EIF3H: variants seen among roughly 807,000 people sequenced by gnomAD.
EIF3H encodes the protein eukaryotic translation initiation factor 3 subunit H.
EIF3H carries 26 observed loss-of-function variants against 44.2 expected under a neutral mutation model. The observed-to-expected ratio is 0.59, with a 90% confidence interval of 0.43 to 0.82. EIF3H has a LOEUF of 0.82. Ranked by LOEUF, EIF3H falls within the 40% of genes least tolerant of loss-of-function variation. The pLI, the probability that EIF3H is intolerant of heterozygous loss-of-function variation, is 0.00. For synonymous variants in EIF3H, 166 were observed against 151.9 expected (o/e 1.09, Z -0.68); for missense variants, 359 against 432.8 (o/e 0.83, Z 1.51).
chr8:116,750,159 G>A (rs1303451275), intron 1 of EIF3H, among the ~76,000 whole-genome samples: 1 of 152,272 alleles, frequency 6.6e-6, no homozygotes, highest in African/African-American at 2.4e-5. Flanking sequence ...CTGGCATGTG[G>A]TCGGCAATCA....
intron 2 of EIF3H, among the ~76,000 whole-genome samples, chr8:116,701,255 A>T (rs779464232): frequency 9.9e-5 from 15 of 152,208 alleles, no homozygotes; most frequent in Non-Finnish European, 1.8e-4. Flanking sequence ...GGCATGTATT[A>T]TATTCCACTA....
intron 1 of EIF3H, among the ~76,000 whole-genome samples, chr8:116,763,759 A>C (rs942012429): frequency 6.6e-6 from 1 of 152,250 alleles, no homozygotes; most frequent in African/African-American, 2.4e-5. Flanking sequence ...ATATGAATAT[A>C]AGGAAGAATA....
intron 1 of EIF3H, among the ~76,000 whole-genome samples, chr8:116,743,138 G>A (rs1815159002): frequency 1.3e-5 from 2 of 152,162 alleles, no homozygotes; most frequent in Non-Finnish European, 2.9e-5. Flanking sequence ...GCCCTCGTTT[G>A]GAGGATGAAA....
At chr8:116,680,269 G>A (rs1176526548) in intron 2 of EIF3H, among the ~76,000 whole-genome samples, 1 of 44,780 alleles carries the variant, frequency 2.2e-5, no homozygotes, top group Non-Finnish European at 6.1e-5. Flanking sequence ...CTGCCCGGCC[G>A]CCCCTACTGG....
At chr8:116,662,745 T>C (rs1223514918) in intron 2 of EIF3H, among the ~76,000 whole-genome samples, 3 of 152,210 alleles carry the variant, frequency 2.0e-5, no homozygotes, top group Non-Finnish European at 4.4e-5. Flanking sequence ...CTGAAAACCA[T>C]GCTCCTGGCA....
chr8:116,656,979 T>C (rs1813501451), intron 4 of EIF3H, among the ~76,000 whole-genome samples: 1 of 152,154 alleles, frequency 6.6e-6, no homozygotes, highest in African/African-American at 2.4e-5. Flanking sequence ...CAGTAGCTAA[T>C]TAATTCCCAT....
chr8:116,747,899 C>T (rs1367392184), intron 1 of EIF3H, among the ~76,000 whole-genome samples: 2 of 152,152 alleles, frequency 1.3e-5, no homozygotes, highest in African/African-American at 4.8e-5. Context: ...CACCTGAGAC[C>T]AGGAGTTCGA....
chr8:116,673,216 C>T (rs548306347), intron 2 of EIF3H, among the ~76,000 whole-genome samples: 2 of 152,182 alleles, frequency 1.3e-5, no homozygotes, highest in South Asian at 2.1e-4. Context: ...AAGCAGCAAG[C>T]ATTTGGTCAC....
intron 1 of EIF3H, among the ~76,000 whole-genome samples, chr8:116,736,997 GAGATTATTTAGACAAC>G (rs1815053189): frequency 6.6e-6 from 1 of 152,160 alleles, no homozygotes; most frequent in South Asian, 2.1e-4. Context: ...GGAATTTAAT[GAGATTATTTAGACAAC>G]AGATAATTTG....
rs368394590 is a variant in EIF3H at position 116,674,295 on chromosome 8, C to CA, written c.290-15316dup. 3.9e-3 allele frequency among the ~76,000 whole-genome samples: 375 copies of CA among 96,564 alleles called. 3 individuals carry two copies. Among genetic ancestry groups the CA allele is most frequent in the African/African-American group, 0.015 (348 of 23,130 alleles). 63.3% of individuals were successfully genotyped at this position (96,564 alleles called of 152,430 possible). On this transcript the variant is annotated intron_variant, in intron 2 of 7. Transcript: ENST00000521861. ...ATCCCAATTTCATAGAGTTCAGGTG[C>CA]AAAAAAAGAGGCCTGGGGGTGGAGG...
At chr8:116,731,431 T>G (rs2130937041) in intron 1 of EIF3H, among the ~76,000 whole-genome samples, 1 of 152,308 alleles carries the variant, frequency 6.6e-6, no homozygotes, top group East Asian at 1.9e-4. Flanking sequence ...AATGAAGTTG[T>G]ATGGCCTAGC....
chr8:116,648,795 A>G lies in EIF3H; in HGVS notation c.828+11T>C. 6.4e-7 allele frequency: 1 copy of G among 1,562,360 alleles called. No individual in the cohort carries two copies. Among genetic ancestry groups the G allele is most frequent in the Non-Finnish European group, 8.7e-7 (1 of 1,155,752 alleles). ...AAATAGCTGTTTGTTGAATTTTTCC[A>G]CAATACCAACCTGATGTTTCTGCTG... is the stretch of plus-strand genomic sequence containing the variant. On this transcript the variant is annotated intron_variant, in intron 6 of 7. Transcript: ENST00000521861.
chr8:116,680,322 G>A (rs1813960281), intron 2 of EIF3H, among the ~76,000 whole-genome samples: 1 of 50,566 alleles, frequency 2.0e-5, no homozygotes, highest in Non-Finnish European at 4.8e-5. Flanking sequence ...CCGTCTGGGA[G>A]GTGTGCCCAG....
At chr8:116,738,766 T>C (rs1420318274) in intron 1 of EIF3H, among the ~76,000 whole-genome samples, 3 of 152,248 alleles carry the variant, frequency 2.0e-5, no homozygotes. Context: ...GCCTGCTTTA[T>C]AAAGCTGAGC....
chr8:116,674,942 C>G (rs748731256), intron 2 of EIF3H, among the ~76,000 whole-genome samples: 12 of 152,106 alleles, frequency 7.9e-5, no homozygotes, highest in Non-Finnish European at 1.6e-4. Context: ...AGTGAGACTT[C>G]TGCTTTTTTG....
At chr8:116,654,497 T>G (rs911989800) in intron 5 of EIF3H, among the ~76,000 whole-genome samples, 3 of 152,222 alleles carry the variant, frequency 2.0e-5, no homozygotes, top group African/African-American at 7.2e-5. Flanking sequence ...AACTATATAC[T>G]TAATACATCA....
At chr8:116,683,945 G>A (rs1814033088) in intron 2 of EIF3H, among the ~76,000 whole-genome samples, 1 of 152,168 alleles carries the variant, frequency 6.6e-6, no homozygotes, top group Non-Finnish European at 1.5e-5. Context: ...TAGCCACTTA[G>A]CATGTATTCA....
chr8:116,731,048 A>G (rs925715699), intron 1 of EIF3H, among the ~76,000 whole-genome samples: 4 of 152,352 alleles, frequency 2.6e-5, no homozygotes, highest in Middle Eastern at 3.4e-3. Context: ...AAATATGTTG[A>G]TAACAGCAAG....
intron 2 of EIF3H, among the ~76,000 whole-genome samples, chr8:116,720,401 T>C (rs997623811): frequency 1.3e-5 from 2 of 152,170 alleles, no homozygotes; most frequent in African/African-American, 4.8e-5. Flanking sequence ...AGACATGTCT[T>C]TTGCCTTCTG....
Sources: allele counts gnomAD v4.1 joint callset (sites outside exome capture counted in the v4.1 genomes callset), GRCh38; gene constraint gnomAD v4.1.1; transcripts MANE v1.5; gene names NCBI Gene and HGNC (gene_info 2026-07-23, HGNC 2026-07-21).